The following FUBP1 variants were observed in gnomAD, a reference collection of about 807,000 sequenced individuals.
The protein encoded by FUBP1 is far upstream element-binding protein 1.
Under a neutral mutation model 94.9 loss-of-function variants are expected in FUBP1, and 16 were observed. The ratio of observed to expected loss-of-function variants is 0.17; its 90% confidence interval spans 0.11 to 0.26. FUBP1 has a LOEUF of 0.26. Ranked by LOEUF, FUBP1 falls within the 10% of genes least tolerant of loss-of-function variation. FUBP1 has a pLI of 1.00. For synonymous variants in FUBP1, 279 were observed against 254.9 expected, an observed-to-expected ratio of 1.09 and a Z score of -0.90; for missense variants, 583 against 808.6, an observed-to-expected ratio of 0.72 and a Z score of 3.38.
Position 77,947,574 on chromosome 1 carries a change from C to T in FUBP1, c.*1192G>A. The T allele has an allele frequency of 7.5e-7, 1 of 1,338,442 alleles. No individual in the cohort carries two copies. Among genetic ancestry groups the T allele is most frequent in the South Asian group, 1.2e-5 (1 of 81,244 alleles). The allele number at this position is 1,338,442 out of a possible 1,614,324, so 82.9% of individuals were successfully genotyped here. A position where few individuals can be genotyped will look rare whatever the true frequency, so the allele number is the denominator to read the frequency against. The stretch of plus-strand genomic sequence containing the variant: ...TGCACTTCAACAGACAATGGCAAGA[C>T]AGACTGTATTTGCATGTAGTCTAAT... On this transcript the variant is annotated 3_prime_UTR_variant, in exon 20 of 20. Transcript: ENST00000370768.
chr1:77,970,935 C>T (rs374588816), intron 1 of FUBP1, among the ~76,000 whole-genome samples: 17 of 151,974 alleles, frequency 1.1e-4, no homozygotes, highest in South Asian at 4.2e-4. Flanking sequence ...CCCAGCTACT[C>T]GGGAGGCTGA....
At position 77,966,951 on chromosome 1, in the gene FUBP1, A is replaced by T. The variant is rs2102422572; in HGVS notation, c.348T>A (p.Ile116=). Residue 116 remains isoleucine, a synonymous_variant, in exon 6 of 20, where the codon ATT becomes ATA. Coordinates refer to ENST00000370768, the MANE Select transcript of FUBP1 (RefSeq NM_003902.5). The stretch of plus-strand genomic sequence containing the variant: ...GTGAGATCTGTTCACCTCCTCTGCC[A>T]ATTACTAGTTAGAAAAAAAAAAATT... ...KVPDGMVGFI[I]GRGGEQISRI... 1 of 1,600,330 alleles carries T rather than the reference A, an allele frequency of 6.2e-7. No individual in the cohort carries two copies. Among genetic ancestry groups the T allele is most frequent in the Non-Finnish European group, 8.6e-7 (1 of 1,169,198 alleles).
At chr1:77,977,494 C>G (rs1658879057) in intron 1 of FUBP1, among the ~76,000 whole-genome samples, 3 of 152,202 alleles carry the variant, frequency 2.0e-5, no homozygotes, top group African/African-American at 2.4e-5. Flanking sequence ...CCACTGCACT[C>G]CAGTCTGGGC....
rs538965972 is a variant in FUBP1, at chr1:77,945,735, C to T, written c.*3031G>A. The T allele has an allele frequency of 1.4e-5, 3 of 212,050 alleles. No individual in the cohort carries two copies. Among genetic ancestry groups the T allele is most frequent in the East Asian group, 1.4e-4 (2 of 14,074 alleles). The allele number at this position is 212,050 out of a possible 1,614,324, so 13.1% of individuals were successfully genotyped here. On this transcript the variant is annotated 3_prime_UTR_variant, in exon 20 of 20. Transcript: ENST00000370768. ...AAAAGGATCAGCACATTTTAGAAATCGAATAAACAAAACTGATAAGATGCT... is the reference window on the plus strand; with the variant it reads ...AAAAGGATCAGCACATTTTAGAAATTGAATAAACAAAACTGATAAGATGCT...
At chr1:77,960,717 TTTAAA>T (rs770402577) in intron 14 of FUBP1, 24 of 428,002 alleles carry the variant, frequency 5.6e-5, no homozygotes, top group Middle Eastern at 1.2e-3. Flanking sequence ...TTAAATGCAA[TTTAAA>T]TTAAATTAAA....
rs201258256 is a variant in FUBP1, at chr1:77,956,736, G to A, written c.1577-36C>T. ...TGAAAGTTCAAGGTTTGCATGTGAA[G>A]TCTGTAATTCTCTCTCACACACACA... On this transcript the variant is annotated intron_variant, in intron 16 of 19. Transcript: ENST00000370768. 1,199 of 1,579,636 alleles carry A rather than the reference G, an allele frequency of 7.6e-4. 28 individuals are homozygous for A. The South Asian group carries it at 0.013, about 17-fold the overall frequency.
intron 2 of FUBP1, among the ~76,000 whole-genome samples, 179 bp from the exon 3 acceptor site, chr1:77,968,382 T>G (rs1656906968): frequency 6.6e-6 from 1 of 152,070 alleles, no homozygotes; most frequent in South Asian, 2.1e-4. Flanking sequence ...AAACGATACT[T>G]CATTCTCTTC....
chr1:77,968,091 C>G (rs1229714023), intron 3 of FUBP1, 74 bp downstream of exon 3: 4 of 932,650 alleles, frequency 4.3e-6, no homozygotes, highest in Non-Finnish European at 6.5e-6. Context: ...TCAAAGATAC[C>G]CAATAATATG....
At chr1:77,961,951 C>G (rs1251040551) in intron 14 of FUBP1, among the ~76,000 whole-genome samples, 1 of 152,078 alleles carries the variant, frequency 6.6e-6, no homozygotes, top group Non-Finnish European at 1.5e-5. Context: ...CTATTTTTGT[C>G]TTCCCAAGTT....
chr1:77,970,910 G>A (rs1268552316), intron 1 of FUBP1, among the ~76,000 whole-genome samples: 2 of 152,060 alleles, frequency 1.3e-5, no homozygotes, highest in East Asian at 1.9e-4. Context: ...AGGTGTGGTG[G>A]TGCACGCCCA....
chr1:77,963,334 T>C (rs1490988952), intron 13 of FUBP1, among the ~76,000 whole-genome samples: 1 of 152,210 alleles, frequency 6.6e-6, no homozygotes, highest in African/African-American at 2.4e-5. Flanking sequence ...ACATTTCTTA[T>C]GCTAATAATT....
In FUBP1 at chr1:77,979,022, C is replaced by T. The variant is rs1261924488; in HGVS notation, c.-18G>A. 1 of 1,596,524 alleles carries T rather than the reference C, an allele frequency of 6.3e-7. No individual in the cohort carries two copies. Among genetic ancestry groups the T allele is most frequent in the Non-Finnish European group, 8.6e-7 (1 of 1,167,980 alleles). On this transcript the variant is annotated 5_prime_UTR_variant, in exon 1 of 20. Transcript: ENST00000370768. ...TCTGCCATGGTTGCACTATAAGAGCCGCTGCCGCCTGTTCAGAGACTTCCT... is the reference window on the plus strand; with the variant it reads ...TCTGCCATGGTTGCACTATAAGAGCTGCTGCCGCCTGTTCAGAGACTTCCT...
intron 14 of FUBP1, among the ~76,000 whole-genome samples, chr1:77,961,120 T>A: frequency 6.6e-6 from 1 of 152,242 alleles, no homozygotes; most frequent in African/African-American, 2.4e-5. Context: ...ATTCCTTCAA[T>A]AAATCAGGAT....
At chr1:77,967,943 T>C (rs1158452476) in intron 3 of FUBP1, among the ~76,000 whole-genome samples, 1 of 152,156 alleles carries the variant, frequency 6.6e-6, no homozygotes, top group African/African-American at 2.4e-5. Flanking sequence ...TTGTTAAATA[T>C]GTAAAATAAT....
chr1:77,978,177 G>A (rs1244545692), intron 1 of FUBP1, among the ~76,000 whole-genome samples: 1 of 152,198 alleles, frequency 6.6e-6, no homozygotes, highest in East Asian at 1.9e-4. Flanking sequence ...AACAGCTTTC[G>A]TCTGGGAAAG....
rs543648433 is a variant in FUBP1 at position 77,967,313 on chromosome 1, T to G, written c.291-212A>C. ...GACACATCAAGTGAAGAAGGGATGA[T>G]GAATGGAACAGTCTGAAGGCATTAA... is the stretch of plus-strand genomic sequence containing the variant. On this transcript the variant is annotated intron_variant, in intron 4 of 19. Coordinates refer to ENST00000370768, the MANE Select transcript of FUBP1 (RefSeq NM_003902.5). 2.0e-5 allele frequency among the ~76,000 whole-genome samples: 3 copies of G among 152,336 alleles called. No individual in the cohort carries two copies. The South Asian group carries it at 6.2e-4, about 32-fold the overall frequency.
intron 18 of FUBP1, among the ~76,000 whole-genome samples, chr1:77,951,618 T>C (rs1653485313): frequency 6.6e-6 from 1 of 152,352 alleles, no homozygotes; most frequent in East Asian, 1.9e-4. Context: ...GGTGTGATCA[T>C]GGCTTAGTTA....
chr1:77,977,359 CAAAA>C (rs529889755), intron 1 of FUBP1, among the ~76,000 whole-genome samples: 1 of 151,650 alleles, frequency 6.6e-6, no homozygotes, highest in Non-Finnish European at 1.5e-5. Context: ...AACAAACAAA[CAAAA>C]AAAACACAAA....
chr1:77,964,819 C>T, intron 9 of FUBP1, 51 bp downstream of exon 9: 1 of 1,504,784 alleles, frequency 6.6e-7, no homozygotes, highest in Non-Finnish European at 9.3e-7. Context: ...CATATTTTGC[C>T]CAACCCCATT....
Sources: allele counts gnomAD v4.1 joint callset (sites outside exome capture counted in the v4.1 genomes callset), GRCh38; gene constraint gnomAD v4.1.1; transcripts MANE v1.5; gene names NCBI Gene and HGNC (gene_info 2026-07-23, HGNC 2026-07-21).